SMAD3: variants seen among roughly 807,000 people sequenced by gnomAD.
SMAD3 encodes the protein SMAD family member 3, also known as MAD homolog 3.
In SMAD3, 12 loss-of-function variants were observed where a neutral mutation model predicts 51.8. The observed-to-expected ratio is 0.23, with a 90% CI of 0.15 to 0.38. The LOEUF (loss-of-function observed/expected upper bound fraction) is 0.38. SMAD3 is among the 10% of genes least tolerant of loss of function. SMAD3 has a pLI of 1.00. For missense variants in SMAD3, 294 were observed against 565.6 expected (o/e 0.52, Z 4.87); for synonymous variants, 238 against 227.7 (o/e 1.05, Z -0.41).
In SMAD3 at chr15:67,190,984, A is replaced by C. The variant is rs1963347937; in HGVS notation, c.*448A>C. On this transcript the variant is annotated 3_prime_UTR_variant, in exon 9 of 9. Coordinates refer to ENST00000327367, the MANE Select transcript of SMAD3 (RefSeq NM_005902.4). The stretch of plus-strand genomic sequence containing the variant: ...GCAGGGCCATGCAGACCTCATGCCC[A>C]GCTCTCTGACGCTTGTGACAGTGCC... 4.0e-6 allele frequency: 1 copy of C among 249,902 alleles called. No individual in the cohort carries two copies. The highest frequency in any genetic ancestry group is 1.4e-4 in the South Asian group (1 of 7,026). 15.5% of individuals were successfully genotyped at this position (249,902 alleles called of 1,614,324 possible).
At position 67,091,617 on chromosome 15, in the gene SMAD3, CCT is replaced by C. The variant is rs1293532541; in HGVS notation, c.206+25260_206+25261del. 2.0e-5 allele frequency among the ~76,000 whole-genome samples: 3 copies of C among 152,306 alleles called. 1 individual carries two copies. Among genetic ancestry groups the C allele is most frequent in the Middle Eastern group, 6.8e-3 (2 of 294 alleles). ...CCAACCTTTTTCACGTAAAGACTCA[CCT>C]CTGTTTCCTCTTAAATTGTACATTT... On this transcript the variant is annotated intron_variant, in intron 1 of 8. Transcript: ENST00000327367.
rs1250762992 is a variant in SMAD3 at position 67,098,978 on chromosome 15, GC to G, written c.206+32622del. On this transcript the variant is annotated intron_variant, in intron 1 of 8. Transcript: ENST00000327367. Reference sequence around the variant, plus strand: ...AAATGCTTCACAAATGTGGACTTTTGCCCCAAACTGTGGACAGAGCGTATGT... The same window carrying G: ...AAATGCTTCACAAATGTGGACTTTTGCCCAAACTGTGGACAGAGCGTATGT... The G allele has an allele frequency of 1.0e-5, 7 of 702,272 alleles. No individual in the cohort carries two copies. In the East Asian group the frequency reaches 1.6e-4, roughly 16 times the overall value. 43.5% of individuals were successfully genotyped at this position (702,272 alleles called of 1,614,324 possible).
intron 1 of SMAD3, among the ~76,000 whole-genome samples, chr15:67,156,111 C>T (rs1427755030): frequency 6.6e-6 from 1 of 152,040 alleles, no homozygotes; most frequent in African/African-American, 2.4e-5. Flanking sequence ...CATATATCTG[C>T]TGCAGCATGT....
intron 1 of SMAD3, among the ~76,000 whole-genome samples, chr15:67,084,999 A>G (rs1194580674): frequency 6.6e-6 from 1 of 152,182 alleles, no homozygotes; most frequent in Non-Finnish European, 1.5e-5. Flanking sequence ...GGCTTTTTTC[A>G]TGAACCTCAG....
At chr15:67,093,841 C>T (rs1011796827) in intron 1 of SMAD3, among the ~76,000 whole-genome samples, 1 of 152,186 alleles carries the variant, frequency 6.6e-6, no homozygotes, top group African/African-American at 2.4e-5. Flanking sequence ...CCTCTTGGGC[C>T]AATGAGAGGA....
At chr15:67,178,336 C>T (rs1450738044) in intron 5 of SMAD3, among the ~76,000 whole-genome samples, 1 of 152,310 alleles carries the variant, frequency 6.6e-6, no homozygotes, top group East Asian at 1.9e-4. Context: ...TCTTTCTCTT[C>T]TGCCTGGACT....
At chr15:67,189,117 A>G (rs1963296785) in intron 8 of SMAD3, among the ~76,000 whole-genome samples, 2 of 152,264 alleles carry the variant, frequency 1.3e-5, no homozygotes, top group Admixed American at 1.3e-4. Flanking sequence ...TTTAGGGAAC[A>G]GGAGTGAAAG....
intron 6 of SMAD3, among the ~76,000 whole-genome samples, chr15:67,181,912 A>G (rs991783584): frequency 2.0e-5 from 3 of 151,940 alleles, no homozygotes; most frequent in Admixed American, 6.6e-5. Flanking sequence ...CAGCTTCCCA[A>G]GTAGCTGGGA....
At chr15:67,093,359 C>G (rs881862) in intron 1 of SMAD3, among the ~76,000 whole-genome samples, 92,783 of 152,094 alleles carry the variant, frequency 0.61, 28,626 homozygotes, top group East Asian at 0.79. Context: ...TGCCAGGGCC[C>G]ACACCAGCCT....
Position 67,104,908 on chromosome 15 carries a change from G to C in SMAD3, c.206+38548G>C, listed in dbSNP as rs59702279. Among the ~76,000 whole-genome samples the C allele has an allele frequency of 1.8e-3, 278 of 152,358 alleles. 6 individuals carry two copies. The East Asian group carries it at 0.048, about 26-fold the overall frequency. On this transcript the variant is annotated intron_variant, in intron 1 of 8. Transcript: ENST00000327367. ...TAGTACTGAAAGCTGCTTCCCATCT[G>C]AAAGCTGTCTGGGGACAGACACCGT...
intron 1 of SMAD3, among the ~76,000 whole-genome samples, chr15:67,083,903 G>A (rs180835245): frequency 1.6e-3 from 248 of 152,192 alleles, no homozygotes; most frequent in African/African-American, 5.7e-3. Context: ...TGTTTTCTGG[G>A]TGAGGTTGAG....
At chr15:67,098,882 G>A in intron 1 of SMAD3, 1 of 702,112 alleles carries the variant, frequency 1.4e-6, no homozygotes, top group South Asian at 1.5e-5. Flanking sequence ...GGATGGGAGG[G>A]TGGACTCCGT....
intron 1 of SMAD3, among the ~76,000 whole-genome samples, chr15:67,132,809 T>A (rs1961557813): frequency 6.6e-6 from 1 of 152,142 alleles, no homozygotes; most frequent in African/African-American, 2.4e-5. Context: ...GCTGCCGCAC[T>A]CCCCACTCAT....
At position 67,098,998 on chromosome 15, in the gene SMAD3, C is replaced by T. The variant is rs184408275; in HGVS notation, c.206+32638C>T. 4.9e-4 allele frequency: 346 copies of T among 702,384 alleles called. 2 individuals carry two copies. In the East Asian group the frequency reaches 5.0e-3, roughly 10 times the overall value. The allele number at this position is 702,384 out of a possible 1,614,324, so 43.5% of individuals were successfully genotyped here. ...CTTTTGCCCCAAACTGTGGACAGAG[C>T]GTATGTCCTGAGCGAGGATCAACTC... On this transcript the variant is annotated intron_variant, in intron 1 of 8. Coordinates refer to ENST00000327367, the MANE Select transcript of SMAD3 (RefSeq NM_005902.4).
Position 67,194,374 on chromosome 15 carries a change from T to C in SMAD3, c.*3838T>C, listed in dbSNP as rs1450230973. ...CAAAATGATGATGAAGCATCTCCCA[T>C]GGGGAGGTGATGGTGGGGAGATGAT... On this transcript the variant is annotated 3_prime_UTR_variant, in exon 9 of 9. Transcript: ENST00000327367. The C allele has an allele frequency of 1.3e-5, 3 of 233,082 alleles. No individual in the cohort carries two copies. The highest frequency in any genetic ancestry group is 2.5e-5 in the Non-Finnish European group (3 of 117,956). 14.4% of individuals were successfully genotyped at this position (233,082 alleles called of 1,614,324 possible).
At chr15:67,180,322 C>T (rs1595955682) in intron 5 of SMAD3, among the ~76,000 whole-genome samples, 1 of 151,836 alleles carries the variant, frequency 6.6e-6, no homozygotes, top group South Asian at 2.1e-4. Flanking sequence ...GCCACTGGGC[C>T]GGGGCAAGAG....
chr15:67,155,043 C>T lies in SMAD3; in HGVS notation c.207-9852C>T, dbSNP rs55687824. 8.6e-3 allele frequency among the ~76,000 whole-genome samples: 1,313 copies of T among 152,302 alleles called. 20 individuals are homozygous for T. The highest frequency in any genetic ancestry group is 9.1e-3 in the Non-Finnish European group (619 of 68,034). On this transcript the variant is annotated intron_variant, in intron 1 of 8. Coordinates refer to ENST00000327367, the MANE Select transcript of SMAD3 (RefSeq NM_005902.4). ...CACACTGCAGTAATTTGCTGAGTGACCTTGAACAAGGATCTTAATGCATCA... is the reference window on the plus strand; with the variant it reads ...CACACTGCAGTAATTTGCTGAGTGATCTTGAACAAGGATCTTAATGCATCA...
At chr15:67,128,685 C>T (rs1961448475) in intron 1 of SMAD3, among the ~76,000 whole-genome samples, 1 of 152,090 alleles carries the variant, frequency 6.6e-6, no homozygotes, top group Non-Finnish European at 1.5e-5. Flanking sequence ...GATCGTCCCA[C>T]CTCAGACTCC....
In SMAD3 at chr15:67,141,883, C is replaced by T. The variant is rs550829374; in HGVS notation, c.207-23012C>T. Among the ~76,000 whole-genome samples, 244 of 152,274 alleles carry T rather than the reference C, an allele frequency of 1.6e-3. 1 individual carries two copies. Among genetic ancestry groups the T allele is most frequent in the Non-Finnish European group, 8.7e-4 (59 of 68,010 alleles). ...TACAAACTCTAAGTTGAGGCCAACT[C>T]AGTTTGCCTGGGGATGAGGTGGGGT... is the stretch of plus-strand genomic sequence containing the variant. On this transcript the variant is annotated intron_variant, in intron 1 of 8. Transcript: ENST00000327367.
Sources: gnomAD v4.1 joint callset for allele counts (sites outside exome capture counted in the v4.1 genomes callset) on GRCh38, gnomAD v4.1.1 for gene constraint, MANE v1.5 for transcripts, NCBI Gene and HGNC (gene_info 2026-07-23, HGNC 2026-07-21) for gene names.